DHTKD1: variants seen among roughly 807,000 people sequenced by gnomAD.
The protein encoded by DHTKD1 is dehydrogenase E1 and transketolase domain containing 1.
Under a neutral mutation model 101.8 loss-of-function variants are expected in DHTKD1, and 78 were observed. The observed-to-expected ratio is 0.77, with a 90% CI of 0.64 to 0.93. DHTKD1 has a LOEUF of 0.93. Ranked by LOEUF, DHTKD1 falls within the 40% of genes least tolerant of loss-of-function variation. The pLI, the probability that DHTKD1 is intolerant of heterozygous loss-of-function variation, is 0.00. For synonymous variants in DHTKD1, 462 were observed against 450.3 expected (o/e 1.03, Z -0.33); for missense variants, 1,223 against 1,161.7 (o/e 1.05, Z -0.77).
Position 12,087,990 on chromosome 10 carries a change from G to A in DHTKD1, c.717+261G>A, listed in dbSNP as rs1453021604. Among the ~76,000 whole-genome samples, 2 of 152,148 alleles carry A rather than the reference G, an allele frequency of 1.3e-5. No individual in the cohort carries two copies. The highest frequency in any genetic ancestry group is 1.5e-5 in the Non-Finnish European group (1 of 68,036). ...TAGCCAAGCATGGTGGCACGCACCC[G>A]TGTTCCCAGCTACTCAGGAGACTGA... On this transcript the variant is annotated intron_variant, in intron 4 of 16. Coordinates refer to ENST00000263035, the MANE Select transcript of DHTKD1 (RefSeq NM_018706.7). The surrounding 1 kb of genome is among the most constrained non-coding windows in gnomAD (Gnocchi z 5.2).
At chr10:12,098,136 G>T (rs1313885494) in intron 8 of DHTKD1, 140 bp downstream of exon 8, 24 of 778,104 alleles carry the variant, frequency 3.1e-5, no homozygotes, top group Non-Finnish European at 4.0e-5. Context: ...ACTGATCCTA[G>T]TGTTGTTTTG....
chr10:12,095,404 A>G (rs1564393283), intron 7 of DHTKD1, among the ~76,000 whole-genome samples: 1 of 152,208 alleles, frequency 6.6e-6, no homozygotes, highest in Admixed American at 6.5e-5. Context: ...AATGCCGGGC[A>G]TGGTGGCTTA....
In DHTKD1 at chr10:12,103,223, T is replaced by C. The variant is rs1387445259; in HGVS notation, c.1896+2042T>C. 1.3e-5 allele frequency among the ~76,000 whole-genome samples: 2 copies of C among 152,240 alleles called. No homozygotes were observed. The highest frequency in any genetic ancestry group is 3.9e-4 in the East Asian group (2 of 5,140). On this transcript the variant is annotated intron_variant, in intron 10 of 16. Transcript: ENST00000263035. This position sits in a 1 kb window ranked among gnomAD's most constrained non-coding sequence, Gnocchi z 4.8. ...CAACAGAGCAAGACTCTGTCTCAAA[T>C]AATAATAAGAGTAATTTATTATTTA...
At position 12,089,230 on chromosome 10, in the gene DHTKD1, C is replaced by G; in HGVS notation, c.962C>G (p.Pro321Arg). 6.2e-7 allele frequency: 1 copy of G among 1,614,042 alleles called. No homozygotes were observed. Among genetic ancestry groups the G allele is most frequent in the Middle Eastern group, 1.6e-4 (1 of 6,062 alleles). ...TACTCTCCAGACAACTCAGCCCAGC[C>G]GGGGGACAGGGTCATTTGCTTACAG... ...GDYSPDNSAQPGDRVICLQVH... is the reference protein window; with the variant it reads ...GDYSPDNSAQRGDRVICLQVH... The change falls in exon 5 of 17, where the codon CCG becomes CGG. Residue 321 changes from proline to arginine, a missense_variant. Transcript: ENST00000263035.
intron 5 of DHTKD1, among the ~76,000 whole-genome samples, chr10:12,089,753 C>T (rs1191017937): frequency 6.6e-6 from 1 of 152,112 alleles, no homozygotes; most frequent in African/African-American, 2.4e-5. Context: ...TCACTGCAAC[C>T]TCTGCCTCCT....
At chr10:12,085,779 T>C (rs1832887915) in intron 3 of DHTKD1, among the ~76,000 whole-genome samples, 1 of 151,850 alleles carries the variant, frequency 6.6e-6, no homozygotes, top group Non-Finnish European at 1.5e-5. Flanking sequence ...CCCAACTACT[T>C]GGGAAGCTGA....
chr10:12,076,464 A>T (rs1167023164), intron 1 of DHTKD1, among the ~76,000 whole-genome samples: 1 of 151,842 alleles, frequency 6.6e-6, no homozygotes, highest in African/African-American at 2.4e-5. Context: ...CAACAGAGCG[A>T]GACTCTGTCT....
chr10:12,074,599 C>A (rs909857054), intron 1 of DHTKD1, among the ~76,000 whole-genome samples: 1 of 151,364 alleles, frequency 6.6e-6, no homozygotes, highest in Admixed American at 6.6e-5. Flanking sequence ...ACCTCATGAT[C>A]CACCCTCCTC....
At chr10:12,083,849 T>C (rs1832858413) in intron 2 of DHTKD1, among the ~76,000 whole-genome samples, 2 of 152,190 alleles carry the variant, frequency 1.3e-5, no homozygotes, top group Admixed American at 1.3e-4. Flanking sequence ...TACTGCTTCA[T>C]GACCTTTGAC....
chr10:12,109,512 G>C (rs561332693), intron 12 of DHTKD1, among the ~76,000 whole-genome samples: 9 of 151,418 alleles, frequency 5.9e-5, no homozygotes, highest in African/African-American at 2.2e-4. Flanking sequence ...CATCGAAGCA[G>C]CGAGCACAGT....
At position 12,121,663 on chromosome 10, in the gene DHTKD1, GGCAGGAGAATT is replaced by G. The variant is rs1414012232; in HGVS notation, c.*778_*788del. On this transcript the variant is annotated 3_prime_UTR_variant, in exon 17 of 17. Coordinates refer to ENST00000263035, the MANE Select transcript of DHTKD1 (RefSeq NM_018706.7). ...TAGTCTCAGCTACTCCGGAGGCTGA[GGCAGGAGAATT>G]GCTTGAACCTGGAAGGCAGAGGTTG... 6.6e-6 allele frequency: 1 copy of G among 152,242 alleles called. No individual in the cohort carries two copies. The highest frequency in any genetic ancestry group is 1.5e-5 in the Non-Finnish European group (1 of 68,096). The allele number at this position is 152,242 out of a possible 1,614,324, so 9.4% of individuals were successfully genotyped here.
intron 15 of DHTKD1, 138 bp downstream of exon 15, chr10:12,119,056 T>A: frequency 1.4e-6 from 1 of 717,774 alleles, no homozygotes; most frequent in Non-Finnish European, 2.0e-6. Flanking sequence ...CCTGTAATCC[T>A]GGCACTTTGG....
intron 1 of DHTKD1, among the ~76,000 whole-genome samples, chr10:12,071,809 C>T (rs746410645): frequency 2.0e-5 from 3 of 152,144 alleles, no homozygotes; most frequent in Admixed American, 6.5e-5. Flanking sequence ...ATTATAGGCG[C>T]GAGCCACCGT....
At chr10:12,085,187 A>G (rs10795932) in intron 3 of DHTKD1, among the ~76,000 whole-genome samples, 73,988 of 151,860 alleles carry the variant, frequency 0.49, 19,821 homozygotes, top group South Asian at 0.72. Context: ...GTGCACACCT[A>G]TAATCCCAGC....
At chr10:12,083,422 A>T (rs2131353827) in intron 2 of DHTKD1, among the ~76,000 whole-genome samples, 1 of 152,254 alleles carries the variant, frequency 6.6e-6, no homozygotes, top group East Asian at 1.9e-4. Context: ...GGGTTGGACA[A>T]GCTTGCTAAG....
chr10:12,090,732 C>G (rs1026955026), intron 5 of DHTKD1, among the ~76,000 whole-genome samples: 3 of 152,132 alleles, frequency 2.0e-5, no homozygotes, highest in Non-Finnish European at 2.9e-5. Context: ...AGCAACCCTC[C>G]TGCCTTGGCC....
chr10:12,090,221 A>T (rs184865287), intron 5 of DHTKD1, among the ~76,000 whole-genome samples: 159 of 152,320 alleles, frequency 1.0e-3, no homozygotes, highest in African/African-American at 3.7e-3. Flanking sequence ...ACAGAAATAG[A>T]TAAATATATA....
chr10:12,081,634 C>T lies in DHTKD1; in HGVS notation c.310+7C>T. 1 of 1,614,048 alleles carries T rather than the reference C, an allele frequency of 6.2e-7. No homozygotes were observed. Among genetic ancestry groups the T allele is most frequent in the Non-Finnish European group, 8.5e-7 (1 of 1,179,972 alleles). ...GGACCCTTCCACACGGCAGGTATGG[C>T]TTCTGCACAGCAGGCGGGAGCTCGG... On this transcript the variant is annotated splice_region_variant and intron_variant, in intron 2 of 16. Transcript: ENST00000263035.
At chr10:12,073,543 C>G (rs541609108) in intron 1 of DHTKD1, among the ~76,000 whole-genome samples, 1 of 152,218 alleles carries the variant, frequency 6.6e-6, no homozygotes, top group South Asian at 2.1e-4. Context: ...AACAGGGTTT[C>G]ACATGTTGGC....
Sources: allele counts gnomAD v4.1 joint callset (sites outside exome capture counted in the v4.1 genomes callset), GRCh38; gene constraint gnomAD v4.1.1; non-coding constraint Gnocchi (gnomAD v3.1); transcripts MANE v1.5; gene names NCBI Gene and HGNC (gene_info 2026-07-23, HGNC 2026-07-21).